The following LRFN2 variants were observed in gnomAD, a reference collection of about 807,000 sequenced individuals.
The protein encoded by LRFN2 is leucine rich repeat and fibronectin type III domain containing 2.
In LRFN2, 18 loss-of-function variants were observed where a neutral mutation model predicts 37.3. That is an observed-to-expected ratio of 0.48 (90% CI 0.33 to 0.72). LRFN2 has a LOEUF of 0.72. Ranked by LOEUF, LRFN2 falls within the 30% of genes least tolerant of loss-of-function variation. The pLI is 0.02. For missense variants in LRFN2, 1,006 were observed against 1,060.7 expected (o/e 0.95, Z 0.72); for synonymous variants, 556 against 466.6 (o/e 1.19, Z -2.47).
chr6:40,486,037 CTCCCTCCTGCGGG>C (rs1561874598), intron 1 of LRFN2, among the ~76,000 whole-genome samples: 3 of 152,244 alleles, frequency 2.0e-5, no homozygotes, highest in African/African-American at 7.2e-5. Context: ...AGTGCTACCC[CTCCCTCCTGCGGG>C]GCGAGGGTGC....
chr6:40,567,136 C>A (rs149849789), intron 1 of LRFN2, among the ~76,000 whole-genome samples: 1 of 152,288 alleles, frequency 6.6e-6, no homozygotes, highest in African/African-American at 2.4e-5. Flanking sequence ...CTGGGATTGA[C>A]AGGATCCAAG....
At chr6:40,569,685 T>C (rs1024597405) in intron 1 of LRFN2, among the ~76,000 whole-genome samples, 2 of 152,200 alleles carry the variant, frequency 1.3e-5, no homozygotes, top group African/African-American at 2.4e-5. Context: ...CTGCTCTCAC[T>C]GTGGCAGAAG....
intron 1 of LRFN2, among the ~76,000 whole-genome samples, chr6:40,557,397 G>A (rs1766910593): frequency 6.6e-6 from 1 of 152,194 alleles, no homozygotes; most frequent in Admixed American, 6.5e-5. Flanking sequence ...GGTAATGGTG[G>A]CGGGGTCAAG....
chr6:40,410,075 G>A (rs905106658), intron 2 of LRFN2, among the ~76,000 whole-genome samples: 3 of 152,168 alleles, frequency 2.0e-5, no homozygotes, highest in Non-Finnish European at 4.4e-5. Flanking sequence ...GGAGGTCTCA[G>A]GTGGGCAGCT....
chr6:40,411,407 G>A (rs1250930400), intron 2 of LRFN2, among the ~76,000 whole-genome samples: 2 of 152,224 alleles, frequency 1.3e-5, no homozygotes, highest in African/African-American at 2.4e-5. Context: ...ACTGGCCAGC[G>A]TGGAAGCAGC....
At position 40,414,136 on chromosome 6, in the gene LRFN2, G is replaced by A. The variant is rs1181770217; in HGVS notation, c.1400+17578C>T. On this transcript the variant is annotated intron_variant, in intron 2 of 2. Coordinates refer to ENST00000338305, the MANE Select transcript of LRFN2 (RefSeq NM_020737.3). ...GGCCCTGCCAGCTCCTAGCTGGGAG[G>A]CCTCGGGCAGCTTACATACCCTCTC... is the stretch of plus-strand genomic sequence containing the variant. Among the ~76,000 whole-genome samples, 7 of 152,316 alleles carry A rather than the reference G, an allele frequency of 4.6e-5. No individual in the cohort carries two copies. The East Asian group carries it at 1.4e-3, about 29-fold the overall frequency.
intron 1 of LRFN2, among the ~76,000 whole-genome samples, chr6:40,536,601 C>T (rs1766453216): frequency 6.6e-6 from 1 of 152,118 alleles, no homozygotes; most frequent in South Asian, 2.1e-4. Flanking sequence ...CTGTTTTGGA[C>T]CACAACCACT....
intron 1 of LRFN2, among the ~76,000 whole-genome samples, chr6:40,582,227 G>T (rs1767417415): frequency 6.6e-6 from 1 of 152,162 alleles, no homozygotes; most frequent in South Asian, 2.1e-4. Flanking sequence ...GGGGTTCAGA[G>T]ATGCTCAGCT....
intron 2 of LRFN2, among the ~76,000 whole-genome samples, chr6:40,397,817 G>A (rs145624259): frequency 1.5e-3 from 226 of 147,378 alleles, no homozygotes; most frequent in African/African-American, 5.2e-3. Context: ...TCATCCCCAG[G>A]AGAGAGAAGC....
intron 1 of LRFN2, among the ~76,000 whole-genome samples, chr6:40,507,058 T>C (rs1015698575): frequency 4.6e-5 from 7 of 152,242 alleles, no homozygotes; most frequent in African/African-American, 1.7e-4. Context: ...GTAATCGTGC[T>C]TAAATGGTAT....
intron 1 of LRFN2, among the ~76,000 whole-genome samples, chr6:40,485,408 TGG>T (rs888226107): frequency 1.5e-4 from 23 of 152,342 alleles, no homozygotes; most frequent in Non-Finnish European, 3.1e-4. Flanking sequence ...AACATGTTTA[TGG>T]GGGTGAGAGG....
chr6:40,541,643 G>A (rs1766556519), intron 1 of LRFN2, among the ~76,000 whole-genome samples: 1 of 152,206 alleles, frequency 6.6e-6, no homozygotes, highest in Non-Finnish European at 1.5e-5. Context: ...GGCTTGGGGT[G>A]TGGAGCAGAG....
At chr6:40,529,119 G>A (rs373199127) in intron 1 of LRFN2, among the ~76,000 whole-genome samples, 2 of 152,246 alleles carry the variant, frequency 1.3e-5, no homozygotes, top group African/African-American at 4.8e-5. Context: ...TGCCCCTCCT[G>A]TTCTGTACAC....
chr6:40,394,316 A>C (rs1762572020), intron 2 of LRFN2, among the ~76,000 whole-genome samples: 1 of 152,008 alleles, frequency 6.6e-6, no homozygotes, highest in Non-Finnish European at 1.5e-5. Context: ...TCCCAAAGAA[A>C]TACCCAGGCC....
chr6:40,518,676 T>A (rs914856309), intron 1 of LRFN2, among the ~76,000 whole-genome samples: 2 of 152,138 alleles, frequency 1.3e-5, no homozygotes, highest in African/African-American at 2.4e-5. Context: ...CCAGTACAGA[T>A]CATTCAGGAT....
rs914375431 is a variant in LRFN2, at chr6:40,401,347, C to G, written c.1401-8435G>C. The stretch of plus-strand genomic sequence containing the variant: ...CTGTGCCAGATGATCTGTGCCATCT[C>G]TGGGCCAGGTCTTCAGTAGCTCGGG... On this transcript the variant is annotated intron_variant, in intron 2 of 2. Coordinates refer to ENST00000338305, the MANE Select transcript of LRFN2 (RefSeq NM_020737.3). 5.3e-5 allele frequency among the ~76,000 whole-genome samples: 8 copies of G among 152,238 alleles called. No individual in the cohort carries two copies. The East Asian group carries it at 7.8e-4, about 15-fold the overall frequency.
rs199718527 is a variant in LRFN2 at position 40,399,343 on chromosome 6, GC to G, written c.1401-6432del. Among the ~76,000 whole-genome samples, 23 of 150,214 alleles carry G rather than the reference GC, an allele frequency of 1.5e-4. No homozygotes were observed. The East Asian group carries it at 3.3e-3, about 22-fold the overall frequency. ...CCCACCCACTGCTCCCATGCTCACT[GC>G]CCCCACCTGTTGTTGACCTCTGAGC... On this transcript the variant is annotated intron_variant, in intron 2 of 2. Coordinates refer to ENST00000338305, the MANE Select transcript of LRFN2 (RefSeq NM_020737.3).
chr6:40,485,099 T>C (rs1561874261), intron 1 of LRFN2, among the ~76,000 whole-genome samples: 1 of 152,168 alleles, frequency 6.6e-6, no homozygotes, highest in African/African-American at 2.4e-5. Flanking sequence ...TCCTCTTTGG[T>C]TTATTATTCT....
At chr6:40,529,025 C>G (rs1766304192) in intron 1 of LRFN2, among the ~76,000 whole-genome samples, 3 of 152,234 alleles carry the variant, frequency 2.0e-5, no homozygotes, top group Admixed American at 2.0e-4. Flanking sequence ...CAGACTCACA[C>G]ACACTAATTT....
Sources: allele counts gnomAD v4.1 joint callset (sites outside exome capture counted in the v4.1 genomes callset), GRCh38; gene constraint gnomAD v4.1.1; transcripts MANE v1.5; gene names NCBI Gene and HGNC (gene_info 2026-07-23, HGNC 2026-07-21).